The following PUDP variants were observed in gnomAD, a reference collection of about 807,000 sequenced individuals.
The protein encoded by PUDP is pseudouridine-5'-phosphatase.
A neutral mutation model predicts 9.4 loss-of-function variants in PUDP; 8 were observed. The ratio of observed to expected loss-of-function variants is 0.85; its 90% CI spans 0.50 to 1.53. The LOEUF (loss-of-function observed/expected upper bound fraction) is 1.53. PUDP is among the 40% of genes most tolerant of loss of function. The pLI is 0.00. For synonymous variants in PUDP, 99 were observed against 80.7 expected, an observed-to-expected ratio of 1.23 and a Z score of -1.22; for missense variants, 188 against 189.7, an observed-to-expected ratio of 0.99 and a Z score of 0.05.
rs138151764 is a variant in PUDP at position 6,791,183 on chromosome X, C to A, written c.*248-84717G>T. Among the ~76,000 whole-genome samples, 47 of 109,198 alleles carry A rather than the reference C, an allele frequency of 4.3e-4. No individual in the cohort carries two copies. In the East Asian group the frequency reaches 8.4e-3, roughly 19 times the overall value. The allele number at this position is 109,198 out of a possible 115,157, so 94.8% of individuals were successfully genotyped here. A position where few individuals can be genotyped will look rare whatever the true frequency, so the allele number is the denominator to read the frequency against. The stretch of plus-strand genomic sequence containing the variant: ...ACAGCCTGGGCAACATGGTGAGACC[C>A]TGTATCTACAAAAAACAAAAAATTG... On this transcript the variant is annotated intron_variant and NMD_transcript_variant, in intron 3 of 3. Coordinates refer to the PUDP transcript ENST00000655425.
intron 3 of PUDP, among the ~76,000 whole-genome samples, chrX:6,885,140 CT>C (rs1163818163): frequency 2.7e-5 from 3 of 111,538 alleles, no homozygotes; most frequent in Non-Finnish European, 5.7e-5. Context: ...AGTTGTTTTC[CT>C]TTTTTAAAGC....
chrX:6,955,602 G>A (rs1272944933), intron 3 of PUDP, among the ~76,000 whole-genome samples: 4 of 110,905 alleles, frequency 3.6e-5, no homozygotes, highest in Non-Finnish European at 5.7e-5. Flanking sequence ...AGAAATTGTC[G>A]CTTTTATAAT....
intron 3 of PUDP, among the ~76,000 whole-genome samples, chrX:6,814,050 C>T (rs747226324): frequency 4.5e-5 from 5 of 110,734 alleles, no homozygotes; most frequent in Non-Finnish European, 7.6e-5. Context: ...CCAAGACACA[C>T]GTTTCCCCTA....
At chrX:7,045,624 G>T (rs1602727062), downstream of PUDP, among the ~76,000 whole-genome samples, 2 of 111,886 alleles carry the variant, frequency 1.8e-5, no homozygotes, top group African/African-American at 6.5e-5. Context: ...TGGTTGTGTG[G>T]AAGTGACCCT....
chrX:6,722,776 A>G (rs1924688744), upstream of PUDP, among the ~76,000 whole-genome samples: 1 of 112,141 alleles, frequency 8.9e-6, no homozygotes. Flanking sequence ...TAATATAAGA[A>G]GGTGATTCAG....
At chrX:6,980,838 T>A (rs1178401743) in intron 1 of PUDP, among the ~76,000 whole-genome samples, 3 of 111,434 alleles carry the variant, frequency 2.7e-5, no homozygotes, top group Non-Finnish European at 5.6e-5. Flanking sequence ...GAGGATTGTG[T>A]AGTTTATATG....
intron 3 of PUDP, among the ~76,000 whole-genome samples, chrX:6,754,167 C>T (rs905445977): frequency 7.6e-4 from 85 of 111,351 alleles, no homozygotes; most frequent in African/African-American, 2.7e-3. Context: ...TAGGAAGGAC[C>T]CAAAGGAGGT....
intron 1 of PUDP, among the ~76,000 whole-genome samples, chrX:7,006,082 C>T (rs1188747884): frequency 3.6e-5 from 4 of 112,072 alleles, no homozygotes; most frequent in African/African-American, 1.3e-4. Context: ...TTAATCTATC[C>T]ATGGACACTT....
chrX:7,008,864 T>C (rs1219726713), intron 1 of PUDP, among the ~76,000 whole-genome samples: 1 of 112,246 alleles, frequency 8.9e-6, no homozygotes, highest in African/African-American at 3.2e-5. Context: ...TAAAACTACT[T>C]GAATGCTTGT....
At chrX:6,729,803 G>A (rs1924787639) in intron 3 of PUDP, among the ~76,000 whole-genome samples, 4 of 111,367 alleles carry the variant, frequency 3.6e-5, no homozygotes, top group Admixed American at 2.9e-4. Context: ...CTAGCTCATT[G>A]CAGACAGCCC....
At chrX:6,941,341 C>CTTTTTTTTTTT (rs761887998) in intron 3 of PUDP, among the ~76,000 whole-genome samples, 1 of 78,647 alleles carries the variant, frequency 1.3e-5, no homozygotes, top group African/African-American at 4.8e-5. Flanking sequence ...TCTTTTCTGT[C>CTTTTTTTTTTT]TTTTTTTTTT....
intron 3 of PUDP, among the ~76,000 whole-genome samples, chrX:7,074,208 G>A (rs1438696605): frequency 1.8e-5 from 2 of 112,517 alleles, no homozygotes; most frequent in Non-Finnish European, 3.8e-5. Flanking sequence ...ACAGGTGTGA[G>A]CTGCCACACC....
At chrX:6,875,348 G>T (rs1927237573) in intron 3 of PUDP, among the ~76,000 whole-genome samples, 1 of 111,842 alleles carries the variant, frequency 8.9e-6, no homozygotes, top group African/African-American at 3.3e-5. Flanking sequence ...ACTGCACCCG[G>T]CCCAAAGGAC....
At chrX:7,006,438 T>A (rs1244142541) in intron 1 of PUDP, among the ~76,000 whole-genome samples, 1 of 112,116 alleles carries the variant, frequency 8.9e-6, no homozygotes, top group Non-Finnish European at 1.9e-5. Flanking sequence ...CCTTAATGAT[T>A]AGTGATATTG....
intron 3 of PUDP, among the ~76,000 whole-genome samples, chrX:6,775,649 A>T (rs947847038): frequency 2.7e-5 from 3 of 111,314 alleles, no homozygotes; most frequent in Non-Finnish European, 3.8e-5. Flanking sequence ...AGATGGAGCT[A>T]TAAGAGGTGA....
chrX:6,798,089 C>T, intron 3 of PUDP, among the ~76,000 whole-genome samples: 1 of 112,133 alleles, frequency 8.9e-6, no homozygotes, highest in South Asian at 3.7e-4. Flanking sequence ...CTCATTGCTG[C>T]TAATAAACAC....
At chrX:6,792,273 C>T (rs1712690742) in intron 3 of PUDP, among the ~76,000 whole-genome samples, 1 of 110,082 alleles carries the variant, frequency 9.1e-6, no homozygotes, top group Non-Finnish European at 1.9e-5. Context: ...GAAGCTGAAA[C>T]GTATGTACCC....
intron 2 of PUDP, among the ~76,000 whole-genome samples, chrX:7,079,714 A>G (rs1178091516): frequency 8.9e-6 from 1 of 112,948 alleles, no homozygotes; most frequent in Non-Finnish European, 1.9e-5. Flanking sequence ...GACATGGGTC[A>G]AAGATGAAAT....
downstream of PUDP, among the ~76,000 whole-genome samples, chrX:7,044,545 T>G (rs1929961315): frequency 8.9e-6 from 1 of 112,446 alleles, no homozygotes. Flanking sequence ...TCTTATAAGT[T>G]TAATCCATAG....
Sources: gnomAD v4.1 joint callset for allele counts (sites outside exome capture counted in the v4.1 genomes callset) on GRCh38, gnomAD v4.1.1 for gene constraint, MANE v1.5 for transcripts, NCBI Gene and HGNC (gene_info 2026-07-23, HGNC 2026-07-21) for gene names.